The following ATAD2B variants were observed in gnomAD, a reference collection of about 807,000 sequenced individuals.
The protein encoded by ATAD2B is ATPase family AAA domain-containing protein 2B.
Under a neutral mutation model 167.6 loss-of-function variants are expected in ATAD2B, and 40 were observed. The observed-to-expected ratio is 0.24, with a 90% CI of 0.19 to 0.31. The LOEUF (loss-of-function observed/expected upper bound fraction) is 0.31. ATAD2B is among the 10% of genes least tolerant of loss of function. The probability of loss-of-function intolerance (pLI) is 1.00; values close to 1 mark genes in which losing one functional copy is unlikely to be tolerated. For synonymous variants in ATAD2B, 579 were observed against 596.5 expected, an observed-to-expected ratio of 0.97 and a Z score of 0.43; for missense variants, 1,242 against 1,757.2, an observed-to-expected ratio of 0.71 and a Z score of 5.24.
chr2:23,926,493 C>T, intron 1 of ATAD2B, 62 bp downstream of exon 1: 1 of 1,512,698 alleles, frequency 6.6e-7, no homozygotes, highest in South Asian at 1.3e-5. Context: ...CCCGGCCAGA[C>T]AAAGCCCCGG....
At chr2:23,686,881 C>T in the ATAD2B span, among the ~76,000 whole-genome samples, 2 of 152,120 alleles carry the variant, frequency 1.3e-5, no homozygotes, top group East Asian at 1.9e-4. Flanking sequence ...GGCTGAAAGT[C>T]GCCGTGTTCG....
At chr2:23,779,499 T>C (rs1030306204) in intron 22 of ATAD2B, among the ~76,000 whole-genome samples, 16 of 152,048 alleles carry the variant, frequency 1.1e-4, no homozygotes, top group African/African-American at 3.9e-4. Flanking sequence ...TTTTTAAGAA[T>C]TTTGAGAGAA....
the ATAD2B span, among the ~76,000 whole-genome samples, chr2:23,716,179 A>C: frequency 6.6e-6 from 1 of 152,242 alleles, no homozygotes; most frequent in Non-Finnish European, 1.5e-5. Context: ...CTTTGTTGCC[A>C]CAGTGAAATT....
In ATAD2B at chr2:23,757,630, T is replaced by C; in HGVS notation, c.3866A>G (p.Lys1289Arg). ...ATCACAGAAAGAAACTACTTCAAGC[T>C]TGCCATTCTGACATTCCAGAACTGG... The part of the protein sequence containing the change: ...GIPVLECQNG[K>R]LEVVSFCDSG... The change falls in exon 25 of 28, where the codon AAG (lysine) becomes AGG (arginine). Residue 1289 changes from lysine to arginine, a missense_variant. Physicochemically the swap from Lys to Arg is conservative, Grantham distance 26. This residue lies in a region of ATAD2B where 282 missense variants were observed against 346.8 expected (regional missense o/e 0.81). Coordinates refer to ENST00000238789, the MANE Select transcript of ATAD2B (RefSeq NM_017552.4). 6.2e-7 allele frequency: 1 copy of C among 1,613,862 alleles called. No individual in the cohort carries two copies. Among genetic ancestry groups the C allele is most frequent in the Non-Finnish European group, 8.5e-7 (1 of 1,179,760 alleles).
the ATAD2B span, among the ~76,000 whole-genome samples, chr2:23,705,783 G>A: frequency 2.0e-5 from 3 of 152,226 alleles, no homozygotes; most frequent in East Asian, 5.8e-4. Flanking sequence ...GTCAGGGCTA[G>A]AAACAAGGAT....
At chr2:23,735,027 C>T in the ATAD2B span, among the ~76,000 whole-genome samples, 1 of 152,188 alleles carries the variant, frequency 6.6e-6, no homozygotes, top group Non-Finnish European at 1.5e-5. Flanking sequence ...TTCCATTTCA[C>T]ATATTACTGC....
the ATAD2B span, chr2:23,693,141 C>T: frequency 1.8e-6 from 2 of 1,116,772 alleles, no homozygotes; most frequent in Non-Finnish European, 2.4e-6. Context: ...CCTGCAGGGA[C>T]TCTGGACACT....
chr2:23,876,982 G>A lies in ATAD2B; in HGVS notation c.902-1078C>T, dbSNP rs558839021. Among the ~76,000 whole-genome samples the A allele has an allele frequency of 4.7e-5, 7 of 149,244 alleles. No individual in the cohort carries two copies. The South Asian group carries it at 6.4e-4, about 14-fold the overall frequency. On this transcript the variant is annotated intron_variant, in intron 7 of 27. Coordinates refer to ENST00000238789, the MANE Select transcript of ATAD2B (RefSeq NM_017552.4). ...CTCGGGAGGCTGAGGCAGAAGAATC[G>A]CTTGAACCTAGGAGGCGGAGGTTGC...
the ATAD2B span, chr2:23,691,623 GC>G: frequency 6.7e-7 from 1 of 1,486,660 alleles, no homozygotes; most frequent in African/African-American, 1.4e-5. Context: ...TGAGGAAGCG[GC>G]ACGGTGGCCG....
At chr2:23,761,785 G>A (rs953210838) in intron 24 of ATAD2B, among the ~76,000 whole-genome samples, 5 of 152,134 alleles carry the variant, frequency 3.3e-5, no homozygotes, top group African/African-American at 7.2e-5. Flanking sequence ...ACACAAAATA[G>A]TCTCTCAGAA....
chr2:23,734,114 G>T, the ATAD2B span, among the ~76,000 whole-genome samples: 1 of 152,112 alleles, frequency 6.6e-6, no homozygotes, highest in Non-Finnish European at 1.5e-5. Context: ...GTATTAGTCT[G>T]TTTTCACATT....
rs568649783 is a variant in ATAD2B at position 23,754,429 on chromosome 2, A to C, written c.4207-122T>G. 200 of 1,211,970 alleles carry C rather than the reference A, an allele frequency of 1.7e-4. 1 individual carries two copies. The African/African-American group carries it at 2.9e-3, about 18-fold the overall frequency. The allele number at this position is 1,211,970 out of a possible 1,614,324, so 75.1% of individuals were successfully genotyped here. On this transcript the variant is annotated intron_variant, in intron 26 of 27. Coordinates refer to ENST00000238789, the MANE Select transcript of ATAD2B (RefSeq NM_017552.4). ...AGGATGTAACAGTGAACATGAAATT[A>C]AAAGATTTGAGGGCTTAAAATCATT...
At chr2:23,715,333 G>A in the ATAD2B span, among the ~76,000 whole-genome samples, 8 of 152,128 alleles carry the variant, frequency 5.3e-5, no homozygotes, top group Admixed American at 1.3e-4. Flanking sequence ...CCAGCACTTC[G>A]GGAGGCCAGG....
intron 19 of ATAD2B, among the ~76,000 whole-genome samples, chr2:23,795,106 G>C (rs1011583067): frequency 6.6e-6 from 1 of 151,792 alleles, no homozygotes; most frequent in Non-Finnish European, 1.5e-5. Context: ...TGAATAATGA[G>C]GTTTATTTTC....
chr2:23,820,845 A>G (rs928936350), intron 16 of ATAD2B, among the ~76,000 whole-genome samples: 3 of 152,132 alleles, frequency 2.0e-5, no homozygotes, highest in Non-Finnish European at 4.4e-5. Context: ...GCTACTCGGG[A>G]GGCTGAGGCA....
chr2:23,880,864 AGGT>A, intron 6 of ATAD2B, 109 bp from the exon 7 acceptor site: 1 of 681,430 alleles, frequency 1.5e-6, no homozygotes, highest in East Asian at 2.8e-5. Flanking sequence ...CTTTCTGCAC[AGGT>A]GACATTTAAG....
the ATAD2B span, among the ~76,000 whole-genome samples, chr2:23,700,664 C>T: frequency 6.6e-6 from 1 of 152,164 alleles, no homozygotes; most frequent in African/African-American, 2.4e-5. This position sits in a 1 kb window ranked among gnomAD's most constrained non-coding sequence, Gnocchi z 4.6. Context: ...TTTTCTAGGT[C>T]CTACCTTCTG....
chr2:23,922,467 G>C (rs1004045812), intron 1 of ATAD2B, among the ~76,000 whole-genome samples: 1 of 150,958 alleles, frequency 6.6e-6, no homozygotes, highest in South Asian at 2.1e-4. Flanking sequence ...TGGGCATTGT[G>C]GGTAATGATA....
chr2:23,760,713 CACACACACACACACACATAT>C (rs1285563653), intron 24 of ATAD2B, among the ~76,000 whole-genome samples: 7 of 141,356 alleles, frequency 5.0e-5, no homozygotes, highest in African/African-American at 1.3e-4. Context: ...CACACACACA[CACACACACACACACACATAT>C]ACACACACAC....
Sources: gnomAD v4.1 joint callset for allele counts (sites outside exome capture counted in the v4.1 genomes callset) on GRCh38, gnomAD v4.1.1 for gene constraint, gnomAD v4.1.1 regional missense constraint, Gnocchi (gnomAD v3.1) non-coding constraint, MANE v1.5 for transcripts, NCBI Gene and HGNC (gene_info 2026-07-23, HGNC 2026-07-21) for gene names.